ZSCAN25: variants seen among roughly 807,000 people sequenced by gnomAD.
ZSCAN25 encodes zinc finger and SCAN domain containing 25, also known as zinc finger and SCAN domain-containing protein 25.
ZSCAN25 carries 27 observed loss-of-function variants against 38.7 expected under a neutral mutation model. That is an observed-to-expected ratio of 0.70 (90% CI 0.51 to 0.96). ZSCAN25 has a LOEUF of 0.96. Among genes scored for constraint, ZSCAN25 ranks in the 40% least tolerant of loss-of-function variants. The probability of loss-of-function intolerance (pLI) is 0.00; values close to 1 mark genes in which losing one functional copy is unlikely to be tolerated. For synonymous variants in ZSCAN25, 273 were observed against 277.7 expected (o/e 0.98, Z 0.17); for missense variants, 637 against 705.9 (o/e 0.90, Z 1.11).
the ZSCAN25 span, among the ~76,000 whole-genome samples, chr7:99,716,063 A>G: frequency 6.6e-6 from 1 of 152,150 alleles, no homozygotes; most frequent in Non-Finnish European, 1.5e-5. Flanking sequence ...ACTCCCTCAG[A>G]AGGTGATTAT....
At chr7:99,710,829 G>A in the ZSCAN25 span, 33 of 1,613,834 alleles carry the variant, frequency 2.0e-5, no homozygotes, top group African/African-American at 1.2e-4. Context: ...AACACTGCTC[G>A]TGGTTTCATA....
chr7:99,623,223 T>G (rs1807152230), intron 6 of ZSCAN25, among the ~76,000 whole-genome samples: 1 of 152,120 alleles, frequency 6.6e-6, no homozygotes, highest in Non-Finnish European at 1.5e-5. Flanking sequence ...TGCTGCTGAT[T>G]TTTCTGTTTT....
chr7:99,633,975 C>T (rs1203655810), downstream of ZSCAN25, among the ~76,000 whole-genome samples: 1 of 152,192 alleles, frequency 6.6e-6, no homozygotes, highest in Non-Finnish European at 1.5e-5. Context: ...TATGCTGGGA[C>T]AGTGGTGTAA....
At chr7:99,732,069 A>T in the ZSCAN25 span, among the ~76,000 whole-genome samples, 1 of 152,106 alleles carries the variant, frequency 6.6e-6, no homozygotes, top group Non-Finnish European at 1.5e-5. Flanking sequence ...GTAATCCCCA[A>T]TTCTGGAAGT....
chr7:99,669,143 A>C, the ZSCAN25 span, among the ~76,000 whole-genome samples: 5 of 152,224 alleles, frequency 3.3e-5, no homozygotes, highest in Non-Finnish European at 7.3e-5. Context: ...AACAAAAATT[A>C]TGGATGAAGG....
the ZSCAN25 span, among the ~76,000 whole-genome samples, chr7:99,649,699 C>T: frequency 6.6e-6 from 1 of 152,232 alleles, no homozygotes. Context: ...TTGAGAACCA[C>T]TGTCATGAGA....
chr7:99,676,115 C>T, the ZSCAN25 span: 1 of 1,613,368 alleles, frequency 6.2e-7, no homozygotes, highest in Non-Finnish European at 8.5e-7. Flanking sequence ...AGCAACTCAC[C>T]TGACGATAGG....
At position 99,631,742 on chromosome 7, in the gene ZSCAN25, ATTTTGGC is replaced by A; in HGVS notation, c.*1725_*1731del. The A allele has an allele frequency of 1.0e-6, 1 of 985,398 alleles. No homozygotes were observed. The highest frequency in any genetic ancestry group is 1.2e-6 in the Non-Finnish European group (1 of 829,952). The allele number at this position is 985,398 out of a possible 1,614,324, so 61.0% of individuals were successfully genotyped here. On this transcript the variant is annotated 3_prime_UTR_variant, in exon 8 of 8. Transcript: ENST00000394152. ...TTCTTGTTAGGCAGCATGGTGTCTA[ATTTTGGC>A]TTAGCAAATGACGCTCCTTGGTCTT...
In ZSCAN25 at chr7:99,624,091, T is replaced by A. The variant is rs1338218412; in HGVS notation, c.716T>A (p.Phe239Tyr). Residue 239 changes from phenylalanine to tyrosine, a missense_variant, in exon 7 of 8, where the codon TTC becomes TAC. Transcript: ENST00000394152. The part of the protein sequence containing the change: ...LGPFKDMALA[F>Y]PEEEWRHVTP... ...CCATTTAAAGATATGGCCCTGGCCT[T>A]CCCTGAGGAGGAGTGGAGGCATGTG... 4 of 1,614,168 alleles carry A rather than the reference T, an allele frequency of 2.5e-6. No individual in the cohort carries two copies. Among genetic ancestry groups the A allele is most frequent in the Non-Finnish European group, 3.4e-6 (4 of 1,180,038 alleles).
Position 99,625,726 on chromosome 7 carries a change from G to A in ZSCAN25, c.805+1546G>A, listed in dbSNP as rs117736818. Among the ~76,000 whole-genome samples, 1,154 of 152,074 alleles carry A rather than the reference G, an allele frequency of 7.6e-3. 10 individuals are homozygous for A. Among genetic ancestry groups the A allele is most frequent in the Non-Finnish European group, 0.01 (709 of 67,970 alleles). On this transcript the variant is annotated intron_variant, in intron 7 of 7. Coordinates refer to ENST00000394152, the MANE Select transcript of ZSCAN25 (RefSeq NM_145115.3). ...TGCTGTGTGGGGTGAGGAGCCCCTC[G>A]CCCCCATTCTCAGAAGATTTTCATG...
chr7:99,715,761 T>G, the ZSCAN25 span: 2 of 1,613,602 alleles, frequency 1.2e-6, no homozygotes, highest in African/African-American at 1.3e-5. Flanking sequence ...CACATACTTA[T>G]TGAGAGAACG....
chr7:99,719,935 T>G, the ZSCAN25 span, among the ~76,000 whole-genome samples: 14 of 152,138 alleles, frequency 9.2e-5, no homozygotes, highest in Admixed American at 9.2e-4. Context: ...AGGTGGAGGT[T>G]GCAGTGAGCC....
the ZSCAN25 span, chr7:99,721,021 A>G: frequency 0.76 from 117,050 of 153,406 alleles, 47,646 homozygotes; most frequent in Non-Finnish European, 0.91. Flanking sequence ...CCTTCTCCCT[A>G]ATGCTTCTAG....
Position 99,629,891 on chromosome 7 carries a change from C to A in ZSCAN25, c.1506C>A (p.Val502=). ...GGTTCAGCAAAGGGGAGCGGCTGGT[C>A]CGACACCAGAGAATCCATACAGGGG... is the stretch of plus-strand genomic sequence containing the variant. ...GKRFSKGERL[V]RHQRIHTGEK... is the part of the protein sequence containing the mutation. The change falls in exon 8 of 8, where the codon GTC becomes GTA. Residue 502 remains valine, a synonymous_variant. Coordinates refer to ENST00000394152, the MANE Select transcript of ZSCAN25 (RefSeq NM_145115.3). The surrounding 1 kb of genome is among the most constrained non-coding windows in gnomAD (Gnocchi z 5.6). 1.2e-6 allele frequency: 2 copies of A among 1,614,124 alleles called. No homozygotes were observed. The highest frequency in any genetic ancestry group is 1.7e-6 in the Non-Finnish European group (2 of 1,180,000).
At chr7:99,709,016 C>T in the ZSCAN25 span, 2 of 1,613,808 alleles carry the variant, frequency 1.2e-6, no homozygotes, top group Non-Finnish European at 1.7e-6. Context: ...GGAGGGCTCC[C>T]TTCCCAGGGG....
chr7:99,632,035 T>C lies in ZSCAN25; in HGVS notation c.*2015T>C. ...GGGGACTGGGGAGGCCTCGGGGGGC[T>C]GCTTGTCATTACCTGAATCACAGAT... On this transcript the variant is annotated 3_prime_UTR_variant, in exon 8 of 8. Transcript: ENST00000394152. The C allele has an allele frequency of 1.0e-6, 1 of 985,490 alleles. No homozygotes were observed. Among genetic ancestry groups the C allele is most frequent in the Non-Finnish European group, 1.2e-6 (1 of 829,982 alleles). 61.0% of individuals were successfully genotyped at this position (985,490 alleles called of 1,614,324 possible). A position where few individuals can be genotyped will look rare whatever the true frequency, so the allele number is the denominator to read the frequency against.
chr7:99,700,012 G>A, the ZSCAN25 span: 20 of 1,610,586 alleles, frequency 1.2e-5, no homozygotes, highest in African/African-American at 1.2e-4. Context: ...GGTTTCCACC[G>A]CCAAATTTGG....
the ZSCAN25 span, chr7:99,714,487 G>T: frequency 6.3e-7 from 1 of 1,594,728 alleles, no homozygotes; most frequent in Non-Finnish European, 8.5e-7. Context: ...GAAGTGCACC[G>T]ATCATATGTA....
At chr7:99,703,796 C>G in the ZSCAN25 span, among the ~76,000 whole-genome samples, 1 of 152,216 alleles carries the variant, frequency 6.6e-6, no homozygotes, top group Middle Eastern at 3.4e-3. Context: ...GTTCTCCATG[C>G]TCTATTTAGG....
Sources: allele counts gnomAD v4.1 joint callset (sites outside exome capture counted in the v4.1 genomes callset), GRCh38; gene constraint gnomAD v4.1.1; non-coding constraint Gnocchi (gnomAD v3.1); transcripts MANE v1.5; gene names NCBI Gene and HGNC (gene_info 2026-07-23, HGNC 2026-07-21).